The following CEP70 variants were observed in gnomAD, a reference collection of about 807,000 sequenced individuals.
CEP70 encodes centrosomal protein 70.
A neutral mutation model predicts 90.9 loss-of-function variants in CEP70; 70 were observed. That is an observed-to-expected ratio of 0.77 (90% CI 0.64 to 0.94). The LOEUF is 0.94. Among genes scored for constraint, CEP70 ranks in the 40% least tolerant of loss-of-function variants. The pLI is 0.00. For missense variants in CEP70, 648 were observed against 669.0 expected (o/e 0.97, Z 0.35); for synonymous variants, 220 against 228.3 (o/e 0.96, Z 0.33).
intron 6 of CEP70, among the ~76,000 whole-genome samples, chr3:138,568,514 T>A (rs150039521): frequency 1.1e-3 from 164 of 152,366 alleles, no homozygotes; most frequent in African/African-American, 3.5e-3. Flanking sequence ...CAGCTTCTGA[T>A]GGCTGCTTTT....
intron 11 of CEP70, among the ~76,000 whole-genome samples, chr3:138,521,292 C>G (rs1470473046): frequency 6.6e-6 from 1 of 152,006 alleles, no homozygotes; most frequent in East Asian, 1.9e-4. Context: ...TGAGGAGCCC[C>G]TCTGCCCAGC....
At chr3:138,592,492 C>A (rs1434793865) in intron 1 of CEP70, among the ~76,000 whole-genome samples, 2 of 150,076 alleles carry the variant, frequency 1.3e-5, no homozygotes, top group East Asian at 2.0e-4. Flanking sequence ...TTTCTAGGGC[C>A]AAAACAGAAG....
rs988209035 is a variant in CEP70 at position 138,591,960 on chromosome 3, G to T, written c.-108-4C>A. The T allele has an allele frequency of 2.1e-6, 2 of 936,484 alleles. No individual in the cohort carries two copies. Among genetic ancestry groups the T allele is most frequent in the Non-Finnish European group, 3.1e-6 (2 of 652,998 alleles). The allele number at this position is 936,484 out of a possible 1,614,324, so 58.0% of individuals were successfully genotyped here. A position where few individuals can be genotyped will look rare whatever the true frequency, so the allele number is the denominator to read the frequency against. On this transcript the variant is annotated splice_polypyrimidine_tract_variant and splice_region_variant and intron_variant, in intron 1 of 17. Coordinates refer to ENST00000264982, the MANE Select transcript of CEP70 (RefSeq NM_024491.4). ...ATGTCTGAAACTGGATCTTCATCTA[G>T]GTTTCAAAAAGATAAAAAGAACAAA...
intron 15 of CEP70, 74 bp from the exon 16 acceptor site, chr3:138,500,298 A>C: frequency 6.7e-7 from 1 of 1,492,602 alleles, no homozygotes; most frequent in South Asian, 1.2e-5. Context: ...TTTATGCTTC[A>C]GTTATCCTCA....
At chr3:138,567,980 G>A (rs1379374370) in intron 6 of CEP70, among the ~76,000 whole-genome samples, 1 of 151,926 alleles carries the variant, frequency 6.6e-6, no homozygotes, top group African/African-American at 2.4e-5. Flanking sequence ...AACATTCAGG[G>A]GCGGCAATTC....
Position 138,495,542 on chromosome 3 carries a change from G to A in CEP70, c.1733-466C>T, listed in dbSNP as rs546680938. Reference sequence around the variant, plus strand: ...TTCTTGGGAAGATTTCTTAGTAGTGGATCACTCTAAGATGAAAGGTATCTG... The same window carrying A: ...TTCTTGGGAAGATTTCTTAGTAGTGAATCACTCTAAGATGAAAGGTATCTG... On this transcript the variant is annotated intron_variant, in intron 17 of 17. Transcript: ENST00000264982. 2.6e-5 allele frequency among the ~76,000 whole-genome samples: 4 copies of A among 152,274 alleles called. No homozygotes were observed. In the South Asian group the frequency reaches 8.3e-4, roughly 32 times the overall value.
intron 8 of CEP70, 81 bp downstream of exon 8, chr3:138,532,433 A>G: frequency 8.0e-7 from 1 of 1,248,614 alleles, no homozygotes; most frequent in African/African-American, 1.6e-5. Context: ...ATAGTATATT[A>G]AAGTTTCAAA....
chr3:138,558,138 G>A (rs1008918225), intron 6 of CEP70, among the ~76,000 whole-genome samples: 4 of 152,206 alleles, frequency 2.6e-5, no homozygotes, highest in African/African-American at 9.6e-5. Flanking sequence ...GCCGAGGCAG[G>A]CGGATTGCCT....
intron 13 of CEP70, among the ~76,000 whole-genome samples, chr3:138,501,749 T>G (rs943437172): frequency 3.9e-5 from 6 of 152,198 alleles, no homozygotes; most frequent in Non-Finnish European, 7.4e-5. Flanking sequence ...TACTGAAAGT[T>G]TAGAGCTCTA....
At chr3:138,516,997 G>A (rs1247011494) in intron 11 of CEP70, among the ~76,000 whole-genome samples, 4 of 152,140 alleles carry the variant, frequency 2.6e-5, no homozygotes, top group Non-Finnish European at 5.9e-5. Flanking sequence ...AAGTCAGGAA[G>A]GGTACAAGCA....
intron 2 of CEP70, among the ~76,000 whole-genome samples, chr3:138,575,229 T>C (rs1011988299): frequency 1.3e-5 from 2 of 152,124 alleles, no homozygotes; most frequent in African/African-American, 4.8e-5. Context: ...AATAGCTTAC[T>C]AGAATAAACA....
chr3:138,591,278 T>C (rs964735673), intron 2 of CEP70, among the ~76,000 whole-genome samples: 1 of 152,160 alleles, frequency 6.6e-6, no homozygotes, highest in African/African-American at 2.4e-5. Context: ...GCTGTGTGTA[T>C]AAGCTGTATA....
intron 6 of CEP70, among the ~76,000 whole-genome samples, chr3:138,556,309 C>CATGA (rs1053918169): frequency 6.6e-5 from 10 of 152,090 alleles, no homozygotes; most frequent in African/African-American, 1.2e-4. Flanking sequence ...GTGGGTGGAT[C>CATGA]ATGAGGTCAG....
intron 16 of CEP70, among the ~76,000 whole-genome samples, chr3:138,498,459 TCTCGAGTAGC>T (rs980296051): frequency 1.3e-5 from 2 of 150,800 alleles, no homozygotes; most frequent in African/African-American, 2.4e-5. Context: ...TGCCTCAGCC[TCTCGAGTAGC>T]CTCCTGTAGT....
chr3:138,540,348 A>G (rs765701888), intron 6 of CEP70, among the ~76,000 whole-genome samples: 1 of 152,102 alleles, frequency 6.6e-6, no homozygotes, highest in Non-Finnish European at 1.5e-5. Context: ...TAAATTATTC[A>G]GATGTGGTGG....
chr3:138,571,765 T>C (rs756730458), intron 3 of CEP70, among the ~76,000 whole-genome samples: 3 of 152,134 alleles, frequency 2.0e-5, no homozygotes, highest in Non-Finnish European at 4.4e-5. Flanking sequence ...GTGAGTCACT[T>C]CTAAGTATCA....
Position 138,494,783 on chromosome 3 carries a change from C to T in CEP70, c.*232G>A, listed in dbSNP as rs2033860014. 6 of 330,502 alleles carry T rather than the reference C, an allele frequency of 1.8e-5. No homozygotes were observed. In the Admixed American group the frequency reaches 3.0e-4, roughly 16 times the overall value. The allele number at this position is 330,502 out of a possible 1,614,324, so 20.5% of individuals were successfully genotyped here. A position where few individuals can be genotyped will look rare whatever the true frequency, so the allele number is the denominator to read the frequency against. ...TTAAATTTTAAGCACTCAATAATTG[C>T]TTTAGAAATGAAGGGATCTAAAGTT... On this transcript the variant is annotated 3_prime_UTR_variant, in exon 18 of 18. Coordinates refer to ENST00000264982, the MANE Select transcript of CEP70 (RefSeq NM_024491.4).
At chr3:138,549,460 TC>T (rs1363044143) in intron 6 of CEP70, among the ~76,000 whole-genome samples, 2 of 151,594 alleles carry the variant, frequency 1.3e-5, no homozygotes, top group African/African-American at 4.9e-5. Context: ...TCCCTGACAA[TC>T]TGCATGACAC....
intron 6 of CEP70, among the ~76,000 whole-genome samples, chr3:138,537,883 A>G (rs571407079): frequency 4.3e-4 from 65 of 152,214 alleles, no homozygotes; most frequent in African/African-American, 1.2e-3. Context: ...CCAATATCCA[A>G]TGCCAAGATT....
Sources: allele counts gnomAD v4.1 joint callset (sites outside exome capture counted in the v4.1 genomes callset), GRCh38; gene constraint gnomAD v4.1.1; transcripts MANE v1.5; gene names NCBI Gene and HGNC (gene_info 2026-07-23, HGNC 2026-07-21).